GPC5: variants seen among roughly 807,000 people sequenced by gnomAD.
The protein encoded by GPC5 is glypican-5.
In GPC5, 47 loss-of-function variants were observed where a neutral mutation model predicts 53.9. The ratio of observed to expected loss-of-function variants is 0.87; its 90% CI spans 0.69 to 1.11. GPC5 has a LOEUF of 1.11. Among genes scored for constraint, GPC5 ranks in the 50% most tolerant of loss-of-function variants. The pLI is 0.00. For missense variants in GPC5, 748 were observed against 713.1 expected, an observed-to-expected ratio of 1.05 and a Z score of -0.56; for synonymous variants, 286 against 263.3, an observed-to-expected ratio of 1.09 and a Z score of -0.84.
intron 7 of GPC5, among the ~76,000 whole-genome samples, chr13:92,718,164 T>C (rs1056939113): frequency 2.0e-5 from 3 of 152,094 alleles, no homozygotes; most frequent in Non-Finnish European, 4.4e-5. Context: ...AAACTAAAAA[T>C]AGAACTATCA....
chr13:92,579,963 G>C (rs547879262), intron 7 of GPC5, among the ~76,000 whole-genome samples: 22 of 152,228 alleles, frequency 1.4e-4, no homozygotes, highest in African/African-American at 5.1e-4. Context: ...AAATGAGAAA[G>C]CAAGCATATA....
chr13:92,529,910 C>T (rs936359456), intron 7 of GPC5, among the ~76,000 whole-genome samples: 5 of 151,898 alleles, frequency 3.3e-5, no homozygotes, highest in Middle Eastern at 3.2e-3. Flanking sequence ...TGGAAGAACC[C>T]CGTCTCTACT....
At chr13:91,554,675 T>G (rs2030843468) in intron 2 of GPC5, among the ~76,000 whole-genome samples, 1 of 152,120 alleles carries the variant, frequency 6.6e-6, no homozygotes, top group African/African-American at 2.4e-5. Context: ...TTAGAGTCAG[T>G]GCAAGTGCTG....
chr13:91,581,849 A>G (rs1055307544), intron 2 of GPC5, among the ~76,000 whole-genome samples: 1 of 152,120 alleles, frequency 6.6e-6, no homozygotes, highest in African/African-American at 2.4e-5. Context: ...GGGACTATAT[A>G]TATAAATTAG....
chr13:91,793,174 G>A (rs2037995019), intron 5 of GPC5, among the ~76,000 whole-genome samples: 1 of 152,162 alleles, frequency 6.6e-6, no homozygotes, highest in South Asian at 2.1e-4. Flanking sequence ...CAATCATGGT[G>A]GAAGGGGAGG....
At chr13:91,870,523 C>T (rs144705688) in intron 5 of GPC5, among the ~76,000 whole-genome samples, 34 of 152,210 alleles carry the variant, frequency 2.2e-4, no homozygotes, top group African/African-American at 7.2e-4. Context: ...AATAAGCAGA[C>T]GCCATGACAC....
chr13:92,757,133 G>A (rs1874915734), intron 7 of GPC5, among the ~76,000 whole-genome samples: 1 of 151,966 alleles, frequency 6.6e-6, no homozygotes. Flanking sequence ...CCAAAACAGA[G>A]ATATAGATCA....
intron 6 of GPC5, among the ~76,000 whole-genome samples, chr13:92,041,084 T>G (rs564984500): frequency 1.2e-4 from 18 of 152,280 alleles, no homozygotes; most frequent in African/African-American, 4.1e-4. Context: ...ACTCCTGACC[T>G]CAGGTGATCC....
intron 6 of GPC5, among the ~76,000 whole-genome samples, chr13:91,913,182 C>T (rs1392323448): frequency 1.3e-5 from 2 of 151,998 alleles, no homozygotes; most frequent in East Asian, 1.9e-4. Context: ...GGGCGGATCA[C>T]GAGGTCAGGA....
At chr13:92,847,780 T>A (rs1878661417) in intron 7 of GPC5, among the ~76,000 whole-genome samples, 1 of 152,190 alleles carries the variant, frequency 6.6e-6, no homozygotes, top group Non-Finnish European at 1.5e-5. Context: ...TATAGGATTT[T>A]TTTATTCAAC....
chr13:92,043,937 G>A (rs2040961419), intron 6 of GPC5, among the ~76,000 whole-genome samples: 1 of 152,130 alleles, frequency 6.6e-6, no homozygotes, highest in Admixed American at 6.5e-5. Flanking sequence ...ATTTGAATCC[G>A]ATAACTTCAT....
At position 92,395,906 on chromosome 13, in the gene GPC5, T is replaced by G. The variant is rs560049780; in HGVS notation, c.1561+250917T>G. ...TATCATATGTGTAGGTGTTTGTTTC[T>G]GTTTTTTTTTTTTTTGTATTTTTCT... On this transcript the variant is annotated intron_variant, in intron 7 of 7. Coordinates refer to ENST00000377067, the MANE Select transcript of GPC5 (RefSeq NM_004466.6). 2.7e-3 allele frequency among the ~76,000 whole-genome samples: 391 copies of G among 146,156 alleles called. 2 individuals carry two copies. The highest frequency in any genetic ancestry group is 9.1e-3 in the African/African-American group (362 of 39,688).
chr13:92,165,726 T>C lies in GPC5; in HGVS notation c.1561+20737T>C, dbSNP rs562353525. On this transcript the variant is annotated intron_variant, in intron 7 of 7. Transcript: ENST00000377067. Reference sequence around the variant, plus strand: ...GGTGGAGACACAGAGCCAGATCGTATCTAGCTTTTAAATAATCTCAAAAGC... The same window carrying C: ...GGTGGAGACACAGAGCCAGATCGTACCTAGCTTTTAAATAATCTCAAAAGC... 1.6e-4 allele frequency among the ~76,000 whole-genome samples: 25 copies of C among 152,390 alleles called. No individual in the cohort carries two copies. In the South Asian group the frequency reaches 4.8e-3, roughly 29 times the overall value.
chr13:91,489,606 T>C (rs1429237880), intron 2 of GPC5, among the ~76,000 whole-genome samples: 1 of 152,228 alleles, frequency 6.6e-6, no homozygotes, highest in African/African-American at 2.4e-5. Context: ...CACATTATTT[T>C]ACAGGCTACT....
intron 6 of GPC5, among the ~76,000 whole-genome samples, chr13:91,998,241 G>C (rs1208488228): frequency 6.6e-6 from 1 of 152,046 alleles, no homozygotes; most frequent in South Asian, 2.1e-4. Context: ...TTCTCTGTCT[G>C]TACCAATACT....
At chr13:91,963,756 GATA>G (rs913493505) in intron 6 of GPC5, among the ~76,000 whole-genome samples, 72 of 152,074 alleles carry the variant, frequency 4.7e-4, no homozygotes, top group Admixed American at 4.5e-3. Context: ...ATAAAACACA[GATA>G]ATAATATTGA....
At chr13:91,937,582 T>C (rs1041935466) in intron 6 of GPC5, among the ~76,000 whole-genome samples, 1 of 152,084 alleles carries the variant, frequency 6.6e-6, no homozygotes, top group African/African-American at 2.4e-5. Context: ...GTTTTCCAGA[T>C]TGTATTTTTC....
intron 6 of GPC5, among the ~76,000 whole-genome samples, chr13:92,093,266 A>G (rs2041395169): frequency 1.3e-5 from 2 of 152,152 alleles, no homozygotes; most frequent in South Asian, 4.1e-4. Flanking sequence ...AGAACAGAAA[A>G]GCAGTCACCA....
chr13:92,664,172 T>A (rs1886490565), intron 7 of GPC5, among the ~76,000 whole-genome samples: 1 of 151,944 alleles, frequency 6.6e-6, no homozygotes. Flanking sequence ...CATGTGAAAG[T>A]TGTATGTAAG....
Sources: allele counts gnomAD v4.1 joint callset (sites outside exome capture counted in the v4.1 genomes callset), GRCh38; gene constraint gnomAD v4.1.1; transcripts MANE v1.5; gene names NCBI Gene and HGNC (gene_info 2026-07-23, HGNC 2026-07-21).